RPGRIP1L: variants seen among roughly 807,000 people sequenced by gnomAD.
The protein encoded by RPGRIP1L is protein fantom.
A neutral mutation model predicts 160.4 loss-of-function variants in RPGRIP1L; 131 were observed. The observed-to-expected ratio is 0.82, with a 90% CI of 0.71 to 0.94. The LOEUF (loss-of-function observed/expected upper bound fraction) is 0.94. Among genes scored for constraint, RPGRIP1L ranks in the 40% least tolerant of loss-of-function variants. RPGRIP1L has a pLI of 0.00. For synonymous variants in RPGRIP1L, 510 were observed against 515.8 expected (o/e 0.99, Z 0.15); for missense variants, 1,522 against 1,535.8 (o/e 0.99, Z 0.15).
chr16:53,617,530 G>T (rs1355677776), intron 24 of RPGRIP1L, among the ~76,000 whole-genome samples: 17 of 152,186 alleles, frequency 1.1e-4, no homozygotes, highest in Admixed American at 9.8e-4. Flanking sequence ...GGAGGAATCA[G>T]ATTCTTGTCC....
intron 22 of RPGRIP1L, among the ~76,000 whole-genome samples, chr16:53,627,943 C>A (rs771178494): frequency 6.6e-6 from 1 of 152,094 alleles, no homozygotes; most frequent in Non-Finnish European, 1.5e-5. Context: ...ACATTGTTTA[C>A]AATTTTTTGC....
chr16:53,657,058 T>C (rs62050413), intron 13 of RPGRIP1L, among the ~76,000 whole-genome samples: 2,899 of 152,190 alleles, frequency 0.019, 50 homozygotes, highest in South Asian at 0.058. Flanking sequence ...CTGGCTAACA[T>C]GGTGAATCCC....
rs1963329872 is a variant in RPGRIP1L at position 53,600,425 on chromosome 16, G to GT, written c.*1650dup. ...ACGAGTTGTTATGAAGATTTGCAGA[G>GT]TTGGATGAGAGCAAGATTCTTCTCG... On this transcript the variant is annotated 3_prime_UTR_variant, in exon 27 of 27. Coordinates refer to ENST00000647211, the MANE Select transcript of RPGRIP1L (RefSeq NM_015272.5). 6.5e-6 allele frequency: 1 copy of GT among 152,678 alleles called. No individual in the cohort carries two copies. Among genetic ancestry groups the GT allele is most frequent in the Non-Finnish European group, 1.5e-5 (1 of 68,074 alleles). The allele number at this position is 152,678 out of a possible 1,614,324, so 9.5% of individuals were successfully genotyped here. A position where few individuals can be genotyped will look rare whatever the true frequency, so the allele number is the denominator to read the frequency against.
In RPGRIP1L at chr16:53,665,053, T is replaced by A. The variant is rs760802185; in HGVS notation, c.1104-44A>T. On this transcript the variant is annotated intron_variant, in intron 9 of 26. Coordinates refer to ENST00000647211, the MANE Select transcript of RPGRIP1L (RefSeq NM_015272.5). ...ATGCAAGGAAAGCTTGGAAATCAGC[T>A]TCAACCGAAAATAATAAAGAGAAAA... 6.2e-6 allele frequency: 10 copies of A among 1,611,138 alleles called. No homozygotes were observed. In the Admixed American group the frequency reaches 1.7e-4, roughly 27 times the overall value.
At position 53,602,043 on chromosome 16, in the gene RPGRIP1L, G is replaced by A. The variant is rs1310542044; in HGVS notation, c.*33C>T. The A allele has an allele frequency of 8.2e-7, 1 of 1,215,642 alleles. No homozygotes were observed. The highest frequency in any genetic ancestry group is 1.2e-6 in the Non-Finnish European group (1 of 820,412). 75.3% of individuals were successfully genotyped at this position (1,215,642 alleles called of 1,614,324 possible). The stretch of plus-strand genomic sequence containing the variant: ...AGGAACTTTCATGTGAGCATTTACT[G>A]AGGAGTAGGAGATGCCTCTGGAGCA... On this transcript the variant is annotated 3_prime_UTR_variant, in exon 27 of 27. Transcript: ENST00000647211.
chr16:53,614,253 A>C (rs1964221518), intron 24 of RPGRIP1L, among the ~76,000 whole-genome samples: 1 of 152,200 alleles, frequency 6.6e-6, no homozygotes, highest in Non-Finnish European at 1.5e-5. Context: ...AAGTGTACCA[A>C]GTTGGAACTA....
intron 26 of RPGRIP1L, 185 bp downstream of exon 26, chr16:53,605,296 G>C (rs77008584): frequency 6.2e-6 from 4 of 646,536 alleles, no homozygotes; most frequent in African/African-American, 5.4e-5. Context: ...AGGAAAGCAG[G>C]GGGGAGGACA....
chr16:53,634,076 G>C (rs1470474563), intron 22 of RPGRIP1L, among the ~76,000 whole-genome samples: 1 of 152,166 alleles, frequency 6.6e-6, no homozygotes, highest in Non-Finnish European at 1.5e-5. Flanking sequence ...AGCAGGTTTG[G>C]TGTTTAGTGA....
intron 24 of RPGRIP1L, among the ~76,000 whole-genome samples, chr16:53,617,171 G>A (rs546083814): frequency 6.8e-6 from 1 of 147,048 alleles, no homozygotes; most frequent in East Asian, 2.0e-4. Context: ...TGGGCCACTT[G>A]AGCATATATC....
intron 9 of RPGRIP1L, among the ~76,000 whole-genome samples, chr16:53,666,657 C>G (rs982633518): frequency 1.4e-5 from 2 of 145,722 alleles, no homozygotes; most frequent in Non-Finnish European, 3.0e-5. Flanking sequence ...AAACATGTAC[C>G]ACCCGGAAAA....
chr16:53,631,726 T>A (rs565212284), intron 22 of RPGRIP1L, among the ~76,000 whole-genome samples: 31 of 152,086 alleles, frequency 2.0e-4, no homozygotes, highest in Non-Finnish European at 4.3e-4. Context: ...CAGAATTCTG[T>A]CCCCCCACAC....
At chr16:53,691,603 T>G (rs182183676) in intron 4 of RPGRIP1L, among the ~76,000 whole-genome samples, 1 of 152,338 alleles carries the variant, frequency 6.6e-6, no homozygotes, top group Non-Finnish European at 1.5e-5. Flanking sequence ...CCCAACTTTT[T>G]AAACCCCTGG....
intron 22 of RPGRIP1L, among the ~76,000 whole-genome samples, chr16:53,623,734 G>C (rs981841178): frequency 1.3e-5 from 2 of 152,080 alleles, no homozygotes; most frequent in Admixed American, 6.5e-5. Context: ...GTACTACATG[G>C]AACTGTTCAC....
At chr16:53,667,070 G>A (rs1200631496) in intron 9 of RPGRIP1L, among the ~76,000 whole-genome samples, 1 of 152,166 alleles carries the variant, frequency 6.6e-6, no homozygotes, top group African/African-American at 2.4e-5. Flanking sequence ...ATCTGCATAT[G>A]AGAACAGTCT....
At chr16:53,641,903 A>G (rs1966247352) in intron 17 of RPGRIP1L, among the ~76,000 whole-genome samples, 1 of 152,148 alleles carries the variant, frequency 6.6e-6, no homozygotes, top group Non-Finnish European at 1.5e-5. Context: ...AAAGAAAAAT[A>G]TATTAATACT....
intron 10 of RPGRIP1L, among the ~76,000 whole-genome samples, chr16:53,662,168 C>T (rs1967856410): frequency 6.6e-6 from 1 of 152,068 alleles, no homozygotes; most frequent in African/African-American, 2.4e-5. Flanking sequence ...TTCCAGCACA[C>T]CATTAATAAG....
chr16:53,660,837 G>A (rs1363814253), intron 10 of RPGRIP1L, among the ~76,000 whole-genome samples: 2 of 150,210 alleles, frequency 1.3e-5, no homozygotes, highest in Non-Finnish European at 3.0e-5. Flanking sequence ...AGGTTGCTGT[G>A]AGCCGAGATT....
chr16:53,603,982 T>C lies in RPGRIP1L; in HGVS notation c.3835+1499A>G, dbSNP rs141550161. ...AGATCAGTGGGTCATATGCGGTCTC[T>C]CAGAAGAAGATGGGTTGCTAAACAG... is the stretch of plus-strand genomic sequence containing the variant. On this transcript the variant is annotated intron_variant, in intron 26 of 26. Coordinates refer to ENST00000647211, the MANE Select transcript of RPGRIP1L (RefSeq NM_015272.5). Among the ~76,000 whole-genome samples, 958 of 152,236 alleles carry C rather than the reference T, an allele frequency of 6.3e-3. 4 individuals carry two copies. The highest frequency in any genetic ancestry group is 0.027 in the Middle Eastern group (8 of 294).
At chr16:53,630,459 A>G (rs1464431429) in intron 22 of RPGRIP1L, among the ~76,000 whole-genome samples, 1 of 152,184 alleles carries the variant, frequency 6.6e-6, no homozygotes, top group Admixed American at 6.5e-5. Flanking sequence ...GTTATATATA[A>G]TAATGTTCAT....
Sources: gnomAD v4.1 joint callset for allele counts (sites outside exome capture counted in the v4.1 genomes callset) on GRCh38, gnomAD v4.1.1 for gene constraint, MANE v1.5 for transcripts, NCBI Gene and HGNC (gene_info 2026-07-23, HGNC 2026-07-21) for gene names.